WIPF2: variants seen among roughly 807,000 people sequenced by gnomAD.
WIPF2 encodes the protein WAS/WASL-interacting protein family member 2.
A neutral mutation model predicts 38.8 loss-of-function variants in WIPF2; 23 were observed. The observed-to-expected ratio is 0.59, with a 90% CI of 0.43 to 0.84. WIPF2 has a LOEUF of 0.84. Ranked by LOEUF, WIPF2 falls within the 40% of genes least tolerant of loss-of-function variation. The pLI, the probability that WIPF2 is intolerant of heterozygous loss-of-function variation, is 0.00. For synonymous variants in WIPF2, 210 were observed against 223.2 expected, an observed-to-expected ratio of 0.94 and a Z score of 0.53; for missense variants, 574 against 580.5, an observed-to-expected ratio of 0.99 and a Z score of 0.11.
At chr17:40,234,224 G>A (rs2030863212) in intron 1 of WIPF2, among the ~76,000 whole-genome samples, 1 of 151,960 alleles carries the variant, frequency 6.6e-6, no homozygotes, top group Admixed American at 6.6e-5. Context: ...AAAATTAGCT[G>A]GGTGTGGTGG....
At position 40,283,153 on chromosome 17, in the gene WIPF2, T is replaced by TAAAAAAAAAAAA. The variant is rs71152662; in HGVS notation, c.*4956_*4967dup. 20 of 17,358 alleles carry TAAAAAAAAAAAA rather than the reference T, an allele frequency of 1.2e-3. 6 individuals are homozygous for TAAAAAAAAAAAA. The highest frequency in any genetic ancestry group is 2.0e-3 in the Non-Finnish European group (19 of 9,576). The allele number at this position is 17,358 out of a possible 1,614,324, so 1.1% of individuals were successfully genotyped here. A position where few individuals can be genotyped will look rare whatever the true frequency, so the allele number is the denominator to read the frequency against. ...CTGAGCTGAGATCATGCCACTGCAC[T>TAAAAAAAAAAAA]AAAAAAAAAAAAAAAAAAAAAAAAA... On this transcript the variant is annotated 3_prime_UTR_variant, in exon 8 of 8. Transcript: ENST00000323571.
At chr17:40,256,578 T>A in intron 2 of WIPF2, 56 bp downstream of exon 2, 1 of 1,534,786 alleles carries the variant, frequency 6.5e-7, no homozygotes, top group Non-Finnish European at 8.7e-7. Context: ...AGGTTGATGG[T>A]CCTCACATAC....
chr17:40,226,001 G>T (rs2030465917), intron 1 of WIPF2, among the ~76,000 whole-genome samples: 1 of 151,926 alleles, frequency 6.6e-6, no homozygotes, highest in South Asian at 2.1e-4. Flanking sequence ...GTGCCATTTG[G>T]ATTTTGAGGC....
chr17:40,257,843 GGT>G (rs1234769857), intron 2 of WIPF2, among the ~76,000 whole-genome samples: 2 of 152,030 alleles, frequency 1.3e-5, no homozygotes, highest in Non-Finnish European at 2.9e-5. Flanking sequence ...ATAGGCCATG[GGT>G]GTGTGTATGT....
intron 5 of WIPF2, among the ~76,000 whole-genome samples, chr17:40,266,484 G>A (rs925613129): frequency 6.6e-6 from 1 of 152,198 alleles, no homozygotes; most frequent in African/African-American, 2.4e-5. Flanking sequence ...ACCCTTTTGA[G>A]TAGTTTCAGT....
intron 1 of WIPF2, among the ~76,000 whole-genome samples, chr17:40,226,738 T>A (rs1002113826): frequency 6.6e-6 from 1 of 152,158 alleles, no homozygotes; most frequent in Non-Finnish European, 1.5e-5. Flanking sequence ...TTTAATTTTT[T>A]AAATTTATTA....
In WIPF2 at chr17:40,273,859, G is replaced by A. The variant is rs752396109; in HGVS notation, c.1040G>A (p.Arg347Gln). Residue 347 changes from arginine (R) to glutamine (Q), a missense_variant, in exon 6 of 8, where the codon CGA (arginine) becomes CAA (glutamine). Arg to Gln is a conservative substitution (Grantham distance 43, BLOSUM62 1). Coordinates refer to ENST00000323571, the MANE Select transcript of WIPF2 (RefSeq NM_133264.5). ...RDAPPPPPPYRMHGSEPPSRG... is the reference protein window; with the variant it reads ...RDAPPPPPPYQMHGSEPPSRG... ...GCTCCCCCTCCCCCACCACCATACCGAATGCATGGGTCAGAACCCCCGAGC... is the reference window on the plus strand; with the variant it reads ...GCTCCCCCTCCCCCACCACCATACCAAATGCATGGGTCAGAACCCCCGAGC... 2 of 1,189,936 alleles carry A rather than the reference G, an allele frequency of 1.7e-6. No individual in the cohort carries two copies. The highest frequency in any genetic ancestry group is 2.5e-5 in the Admixed American group (1 of 39,964). The allele number at this position is 1,189,936 out of a possible 1,614,324, so 73.7% of individuals were successfully genotyped here.
chr17:40,242,432 G>T (rs2031222198), intron 1 of WIPF2, among the ~76,000 whole-genome samples: 1 of 152,014 alleles, frequency 6.6e-6, no homozygotes, highest in Non-Finnish European at 1.5e-5. Context: ...TTTGTTTTTT[G>T]AGACAGTCTC....
chr17:40,256,579 C>T, intron 2 of WIPF2, 57 bp downstream of exon 2: 3 of 1,523,880 alleles, frequency 2.0e-6, no homozygotes, highest in Non-Finnish European at 2.6e-6. Context: ...GGTTGATGGT[C>T]CTCACATACT....
At position 40,278,913 on chromosome 17, in the gene WIPF2, T is replaced by C. The variant is rs1167254420; in HGVS notation, c.*688T>C. The C allele has an allele frequency of 6.7e-6, 1 of 149,500 alleles. No homozygotes were observed. Among genetic ancestry groups the C allele is most frequent in the African/African-American group, 2.5e-5 (1 of 40,550 alleles). The allele number at this position is 149,500 out of a possible 1,614,324, so 9.3% of individuals were successfully genotyped here. A position where few individuals can be genotyped will look rare whatever the true frequency, so the allele number is the denominator to read the frequency against. The stretch of plus-strand genomic sequence containing the variant: ...AAAGGGTGAAATAAACTGAAGACCA[T>C]TTTAGAACTAGTCAGTTCTCTGCAG... On this transcript the variant is annotated 3_prime_UTR_variant, in exon 8 of 8. Coordinates refer to ENST00000323571, the MANE Select transcript of WIPF2 (RefSeq NM_133264.5).
chr17:40,277,978 G>T (rs1443936186), intron 7 of WIPF2, among the ~76,000 whole-genome samples: 1 of 151,962 alleles, frequency 6.6e-6, no homozygotes, highest in Admixed American at 6.6e-5. Flanking sequence ...CGCCCGCCTC[G>T]GCCTCCCAAA....
chr17:40,220,607 ATATATATATATG>A (rs2030175802), intron 1 of WIPF2: 4 of 90,512 alleles, frequency 4.4e-5, no homozygotes, highest in Admixed American at 3.6e-4. Flanking sequence ...ATATATATAT[ATATATATATATG>A]TATATATATA....
intron 1 of WIPF2, among the ~76,000 whole-genome samples, chr17:40,250,472 A>G (rs1349326280): frequency 4.8e-5 from 7 of 144,946 alleles, no homozygotes; most frequent in African/African-American, 1.8e-4. Flanking sequence ...GATGGTCTCT[A>G]TCTCCTGACC....
At chr17:40,259,018 CAAA>C (rs903377557) in intron 2 of WIPF2, among the ~76,000 whole-genome samples, 1 of 34,904 alleles carries the variant, frequency 2.9e-5, no homozygotes, top group Non-Finnish European at 5.4e-5. Flanking sequence ...AACTCTGTCT[CAAA>C]AAAAAAAAAA....
At chr17:40,271,073 A>G (rs1421501034) in intron 5 of WIPF2, among the ~76,000 whole-genome samples, 1 of 152,144 alleles carries the variant, frequency 6.6e-6, no homozygotes, top group Non-Finnish European at 1.5e-5. Flanking sequence ...CCCAGGTTCA[A>G]GCTCCTCCCA....
At chr17:40,265,304 TAGAAA>T (rs2032052945) in intron 5 of WIPF2, among the ~76,000 whole-genome samples, 158 bp downstream of exon 5, 1 of 152,066 alleles carries the variant, frequency 6.6e-6, no homozygotes, top group Non-Finnish European at 1.5e-5. Context: ...TAGCAATAAA[TAGAAA>T]AGACAAAAAA....
At chr17:40,276,117 A>G (rs542407813) in intron 6 of WIPF2, among the ~76,000 whole-genome samples, 1 of 152,356 alleles carries the variant, frequency 6.6e-6, no homozygotes, top group Non-Finnish European at 1.5e-5. Context: ...AAAGGGAATC[A>G]TCTGGTCAAA....
chr17:40,262,579 A>G lies in WIPF2; in HGVS notation c.251A>G (p.Lys84Arg). The change falls in exon 4 of 8, where the codon AAG becomes AGG. Residue 84 changes from lysine to arginine, a missense_variant. By Grantham distance (26) the Lys-to-Arg change is conservative. Coordinates refer to ENST00000323571, the MANE Select transcript of WIPF2 (RefSeq NM_133264.5). ...YGSGGAALQP[K>R]GGLFQGGVLK... ...TCTGGAGGAGCTGCCCTGCAGCCCA[A>G]GGGAGGTCTCTTCCAAGGAGGAGTG... is the stretch of plus-strand genomic sequence containing the variant. 1 of 1,614,026 alleles carries G rather than the reference A, an allele frequency of 6.2e-7. No homozygotes were observed. The highest frequency in any genetic ancestry group is 8.5e-7 in the Non-Finnish European group (1 of 1,179,912).
intron 1 of WIPF2, among the ~76,000 whole-genome samples, chr17:40,227,094 T>G (rs1271181971): frequency 1.3e-5 from 2 of 151,510 alleles, no homozygotes; most frequent in African/African-American, 2.4e-5. Flanking sequence ...CAGGCTGGAG[T>G]GGAGTGGCAA....
Sources: allele counts gnomAD v4.1 joint callset (sites outside exome capture counted in the v4.1 genomes callset), GRCh38; gene constraint gnomAD v4.1.1; transcripts MANE v1.5; gene names NCBI Gene and HGNC (gene_info 2026-07-23, HGNC 2026-07-21).